SRD5A2: variants seen among roughly 807,000 people sequenced by gnomAD.
SRD5A2 encodes steroid 5 alpha-reductase 2.
Under a neutral mutation model 27.4 loss-of-function variants are expected in SRD5A2, and 30 were observed. The ratio of observed to expected loss-of-function variants is 1.10; its 90% CI spans 0.82 to 1.49. The LOEUF is 1.49. Among genes scored for constraint, SRD5A2 ranks in the 40% most tolerant of loss-of-function variants. SRD5A2 has a pLI of 0.00. For missense variants in SRD5A2, 348 were observed against 323.4 expected (o/e 1.08, Z -0.58); for synonymous variants, 141 against 133.6 (o/e 1.06, Z -0.38).
At chr2:31,599,864 A>ACTTAAAGTTC in the SRD5A2 span, among the ~76,000 whole-genome samples, 11 of 152,002 alleles carry the variant, frequency 7.2e-5, no homozygotes, top group African/African-American at 2.2e-4. Context: ...TCTGAGGTAC[A>ACTTAAAGTTC]TGAGCAGGTT....
At chr2:31,582,608 T>A (rs1220093907), upstream of SRD5A2, among the ~76,000 whole-genome samples, 1 of 152,142 alleles carries the variant, frequency 6.6e-6, no homozygotes, top group East Asian at 1.9e-4. Context: ...AACCTGCTTG[T>A]TGAAGATGCC....
the SRD5A2 span, among the ~76,000 whole-genome samples, chr2:31,587,423 T>C: frequency 1.3e-5 from 2 of 152,230 alleles, no homozygotes; most frequent in Admixed American, 6.5e-5. Flanking sequence ...CAAAGGATCA[T>C]AATTCATTCT....
At chr2:31,542,749 C>T (rs191290498) in intron 1 of SRD5A2, among the ~76,000 whole-genome samples, 11 of 151,728 alleles carry the variant, frequency 7.2e-5, no homozygotes, top group African/African-American at 1.9e-4. Flanking sequence ...GTCTGAGGAA[C>T]AAAAAGAAAA....
chr2:31,601,829 G>A, the SRD5A2 span, among the ~76,000 whole-genome samples: 1 of 151,998 alleles, frequency 6.6e-6, no homozygotes, highest in African/African-American at 2.4e-5. Flanking sequence ...TTCAATCGAT[G>A]CAGAAAGGGC....
chr2:31,589,281 G>A, the SRD5A2 span, among the ~76,000 whole-genome samples: 2 of 152,326 alleles, frequency 1.3e-5, no homozygotes, highest in Non-Finnish European at 1.5e-5. Flanking sequence ...CAGCCCCCGG[G>A]CCCTCATCCA....
the SRD5A2 span, among the ~76,000 whole-genome samples, chr2:31,634,762 C>T: frequency 2.6e-5 from 4 of 152,086 alleles, no homozygotes; most frequent in Admixed American, 6.6e-5. Flanking sequence ...TTAGCTCCCA[C>T]ATATAAATGA....
chr2:31,637,678 G>A, the SRD5A2 span, among the ~76,000 whole-genome samples: 3,288 of 152,054 alleles, frequency 0.022, 41 homozygotes, highest in South Asian at 0.043. Flanking sequence ...CTGTTGCTCA[G>A]ATAAACTTAC....
At chr2:31,597,383 A>G in the SRD5A2 span, among the ~76,000 whole-genome samples, 3 of 142,460 alleles carry the variant, frequency 2.1e-5, no homozygotes, top group Admixed American at 6.9e-5. Flanking sequence ...AAGATAAAAT[A>G]AAAAAAAAAC....
intron 1 of SRD5A2, among the ~76,000 whole-genome samples, chr2:31,547,115 T>TAAAATA (rs1280979980): frequency 2.0e-5 from 3 of 151,534 alleles, no homozygotes; most frequent in South Asian, 2.1e-4. Context: ...TAAAATAAAA[T>TAAAATA]AAAATAAAAA....
At chr2:31,610,926 G>A in the SRD5A2 span, among the ~76,000 whole-genome samples, 1 of 151,992 alleles carries the variant, frequency 6.6e-6, no homozygotes, top group African/African-American at 2.4e-5. Context: ...TGACCAACAT[G>A]GTGAAACCCC....
At chr2:31,607,508 A>C in the SRD5A2 span, among the ~76,000 whole-genome samples, 1 of 151,942 alleles carries the variant, frequency 6.6e-6, no homozygotes, top group Non-Finnish European at 1.5e-5. Flanking sequence ...ATACTGGAAA[A>C]AAAAAAGCTC....
chr2:31,528,767 AAAATAAATAAATAAAT>A (rs58489430), intron 4 of SRD5A2, among the ~76,000 whole-genome samples: 3 of 149,576 alleles, frequency 2.0e-5, no homozygotes, highest in Admixed American at 1.3e-4. Context: ...CTCCAACTCA[AAAATAAATAAATAAAT>A]AAATAAATAA....
In SRD5A2 at chr2:31,548,403, C is replaced by A. The variant is rs185893115; in HGVS notation, c.282-14637G>T. 6.6e-4 allele frequency among the ~76,000 whole-genome samples: 100 copies of A among 152,122 alleles called. 2 individuals are homozygous for A. Among genetic ancestry groups the A allele is most frequent in the Admixed American group, 4.4e-3 (67 of 15,272 alleles). ...CACTCCTAAAACTCAACAACAACAA[C>A]AAAAAATTGGGCAATGGACTCGAAT... On this transcript the variant is annotated intron_variant, in intron 1 of 4. Transcript: ENST00000622030.
the SRD5A2 span, among the ~76,000 whole-genome samples, chr2:31,621,941 A>T: frequency 3.4e-4 from 45 of 131,758 alleles, no homozygotes; most frequent in Non-Finnish European, 1.6e-5. Flanking sequence ...CTCTACCCTG[A>T]CAGGTTTGTA....
At chr2:31,588,141 A>T in the SRD5A2 span, among the ~76,000 whole-genome samples, 1 of 152,166 alleles carries the variant, frequency 6.6e-6, no homozygotes, top group Non-Finnish European at 1.5e-5. Context: ...CAAAAGGGCA[A>T]ATCTAAGAGT....
chr2:31,568,840 G>A (rs969743131), intron 1 of SRD5A2, among the ~76,000 whole-genome samples: 6 of 152,228 alleles, frequency 3.9e-5, no homozygotes, highest in Non-Finnish European at 8.8e-5. Flanking sequence ...GTCTGGAGGG[G>A]GCCAAGGCGG....
At chr2:31,587,389 C>G in the SRD5A2 span, among the ~76,000 whole-genome samples, 2 of 152,326 alleles carry the variant, frequency 1.3e-5, no homozygotes, top group Middle Eastern at 3.4e-3. Context: ...TTTGACCCAG[C>G]AATCCCATTA....
the SRD5A2 span, among the ~76,000 whole-genome samples, chr2:31,598,289 A>C: frequency 1.3e-5 from 2 of 151,912 alleles, no homozygotes; most frequent in Admixed American, 1.3e-4. Flanking sequence ...GGCTCTGGGG[A>C]CTCGGTAGGA....
chr2:31,526,106 G>GATATATATATATAT lies in SRD5A2; in HGVS notation c.*89_*90insATATATATATATAT, dbSNP rs1553322989. ...GGAGACCTACTATTACATATATACG[G>GATATATATATATAT]GACTATTATATCATGAAAATTACAG... On this transcript the variant is annotated 3_prime_UTR_variant, in exon 5 of 5. Coordinates refer to ENST00000622030, the MANE Select transcript of SRD5A2 (RefSeq NM_000348.4). The GATATATATATATAT allele has an allele frequency of 5.0e-6, 4 of 806,598 alleles. No homozygotes were observed. The African/African-American group carries it at 8.7e-5, about 17-fold the overall frequency. 50.0% of individuals were successfully genotyped at this position (806,598 alleles called of 1,614,324 possible). A position where few individuals can be genotyped will look rare whatever the true frequency, so the allele number is the denominator to read the frequency against.
Sources: allele counts gnomAD v4.1 joint callset (sites outside exome capture counted in the v4.1 genomes callset), GRCh38; gene constraint gnomAD v4.1.1; transcripts MANE v1.5; gene names NCBI Gene and HGNC (gene_info 2026-07-23, HGNC 2026-07-21).